The following TCF7L2 variants were observed in gnomAD, a reference collection of about 807,000 sequenced individuals.
TCF7L2 encodes transcription factor 7-like 2.
In TCF7L2, 23 loss-of-function variants were observed where a neutral mutation model predicts 77.9. That is an observed-to-expected ratio of 0.30 (90% CI 0.21 to 0.42). The LOEUF is 0.42. Among genes scored for constraint, TCF7L2 ranks in the 10% least tolerant of loss-of-function variants. TCF7L2 has a pLI of 1.00. For missense variants in TCF7L2, 654 were observed against 793.1 expected (o/e 0.82, Z 2.11); for synonymous variants, 413 against 340.2 (o/e 1.21, Z -2.36).
At chr10:113,050,553 C>T (rs1354909528) in intron 5 of TCF7L2, among the ~76,000 whole-genome samples, 4 of 152,152 alleles carry the variant, frequency 2.6e-5, no homozygotes, top group Non-Finnish European at 4.4e-5. Flanking sequence ...AAAACAGTGT[C>T]TTGTAAGCGA....
chr10:113,120,312 A>G (rs1228664831), intron 5 of TCF7L2, among the ~76,000 whole-genome samples: 1 of 152,214 alleles, frequency 6.6e-6, no homozygotes, highest in African/African-American at 2.4e-5. Flanking sequence ...ACACAGACGG[A>G]GAAGATGGCC....
Position 112,950,655 on chromosome 10 carries a change from C to T in TCF7L2, c.-102C>T. ...TCACCTTGGACTCGTCTTTTTCTTG[C>T]AATATTTTTTGGGGGGGCAAAACTT... On this transcript the variant is annotated 5_prime_UTR_variant, in exon 1 of 14. Coordinates refer to ENST00000627217, the MANE Select transcript of TCF7L2 (RefSeq NM_001146274.2). 1.6e-6 allele frequency: 2 copies of T among 1,238,954 alleles called. No homozygotes were observed. Among genetic ancestry groups the T allele is most frequent in the Non-Finnish European group, 2.1e-6 (2 of 939,396 alleles). 76.7% of individuals were successfully genotyped at this position (1,238,954 alleles called of 1,614,324 possible).
chr10:113,074,969 T>C (rs1231703197), intron 5 of TCF7L2, among the ~76,000 whole-genome samples: 2 of 152,212 alleles, frequency 1.3e-5, no homozygotes, highest in African/African-American at 4.8e-5. Flanking sequence ...ATGTGTTCAT[T>C]GAGCAACTAA....
chr10:113,136,163 T>TA (rs1394934469), intron 5 of TCF7L2, among the ~76,000 whole-genome samples: 1 of 152,208 alleles, frequency 6.6e-6, no homozygotes, highest in Non-Finnish European at 1.5e-5. Context: ...GACTACTTCA[T>TA]AGGCTCGTTG....
At position 113,103,760 on chromosome 10, in the gene TCF7L2, G is replaced by A. The variant is rs574319733; in HGVS notation, c.553-37424G>A. Among the ~76,000 whole-genome samples the A allele has an allele frequency of 3.3e-5, 5 of 152,278 alleles. No homozygotes were observed. The South Asian group carries it at 1.0e-3, about 32-fold the overall frequency. ...TACTGAGAGCATCAAGTGTATATTTGCACAGTGTGTGGTCCTTGCTGCTGT... is the reference window on the plus strand; with the variant it reads ...TACTGAGAGCATCAAGTGTATATTTACACAGTGTGTGGTCCTTGCTGCTGT... On this transcript the variant is annotated intron_variant, in intron 5 of 13. Transcript: ENST00000627217.
intron 5 of TCF7L2, among the ~76,000 whole-genome samples, chr10:113,083,479 T>C (rs1162935064): frequency 6.6e-6 from 1 of 152,230 alleles, no homozygotes; most frequent in Non-Finnish European, 1.5e-5. Flanking sequence ...TCTGGAGCCC[T>C]GATGGCAGTT....
intron 7 of TCF7L2, among the ~76,000 whole-genome samples, chr10:113,145,514 C>G (rs2069209535): frequency 1.3e-5 from 2 of 152,128 alleles, no homozygotes; most frequent in African/African-American, 4.8e-5. Flanking sequence ...CTTGTCAACA[C>G]TTGTTAATTT....
At chr10:113,053,943 G>A (rs1378036657) in intron 5 of TCF7L2, among the ~76,000 whole-genome samples, 1 of 152,198 alleles carries the variant, frequency 6.6e-6, no homozygotes, top group Non-Finnish European at 1.5e-5. Flanking sequence ...TCTCACATCG[G>A]AGCCAGGACT....
At chr10:112,968,735 C>T (rs376594267) in intron 4 of TCF7L2, among the ~76,000 whole-genome samples, 1 of 152,132 alleles carries the variant, frequency 6.6e-6, no homozygotes, top group African/African-American at 2.4e-5. Flanking sequence ...CCTGCCACCA[C>T]GTTCGGCTCA....
At chr10:113,089,406 C>T (rs2060145170) in intron 5 of TCF7L2, 3 of 1,613,420 alleles carry the variant, frequency 1.9e-6, no homozygotes, top group Non-Finnish European at 2.5e-6. Flanking sequence ...GCAGAGCCCC[C>T]TCCCTTGCTG....
At chr10:112,980,922 G>A (rs1484896309) in intron 4 of TCF7L2, among the ~76,000 whole-genome samples, 1 of 152,094 alleles carries the variant, frequency 6.6e-6, no homozygotes, top group East Asian at 1.9e-4. Flanking sequence ...CACCATTCCC[G>A]GCCAAAGCAT....
chr10:112,966,599 T>C (rs2036969863), intron 4 of TCF7L2, among the ~76,000 whole-genome samples: 1 of 152,110 alleles, frequency 6.6e-6, no homozygotes, highest in Non-Finnish European at 1.5e-5. Flanking sequence ...TTGTTGAGGT[T>C]GAATAGGATA....
intron 11 of TCF7L2, among the ~76,000 whole-genome samples, chr10:113,153,616 T>G (rs2071224893): frequency 6.6e-6 from 1 of 152,208 alleles, no homozygotes; most frequent in Non-Finnish European, 1.5e-5. Context: ...AGCTCTTAAC[T>G]GCCTTGGCCT....
chr10:112,980,260 A>G (rs977690738), intron 4 of TCF7L2, among the ~76,000 whole-genome samples: 2 of 152,202 alleles, frequency 1.3e-5, no homozygotes, highest in African/African-American at 4.8e-5. Flanking sequence ...GTTGGGGGCA[A>G]GTCTTTTCAG....
intron 5 of TCF7L2, among the ~76,000 whole-genome samples, chr10:113,110,957 T>C (rs952722953): frequency 6.6e-6 from 1 of 152,088 alleles, no homozygotes. Flanking sequence ...ATTCCCCAAG[T>C]CTGTAATGTT....
At chr10:112,987,556 TCTC>T (rs1341017489) in intron 4 of TCF7L2, 2 of 152,090 alleles carry the variant, frequency 1.3e-5, no homozygotes, top group Non-Finnish European at 2.9e-5. Flanking sequence ...ACCAGGTTCT[TCTC>T]AGGTGGAGCT....
chr10:113,021,771 C>T (rs979589318), intron 4 of TCF7L2, among the ~76,000 whole-genome samples: 4 of 152,200 alleles, frequency 2.6e-5, no homozygotes, highest in African/African-American at 9.7e-5. Flanking sequence ...TCGCATCTCC[C>T]TTGGCTTGTT....
At chr10:113,154,886 A>G (rs2071526178) in intron 11 of TCF7L2, among the ~76,000 whole-genome samples, 1 of 151,816 alleles carries the variant, frequency 6.6e-6, no homozygotes, top group Non-Finnish European at 1.5e-5. Context: ...ACACACTCAC[A>G]CTCACGCCTT....
At chr10:113,102,673 T>G (rs1416776319) in intron 5 of TCF7L2, among the ~76,000 whole-genome samples, 3 of 152,072 alleles carry the variant, frequency 2.0e-5, no homozygotes, top group Non-Finnish European at 2.9e-5. Context: ...TGATCTGTCT[T>G]CCTCGGCCCC....
Sources: allele counts gnomAD v4.1 joint callset (sites outside exome capture counted in the v4.1 genomes callset), GRCh38; gene constraint gnomAD v4.1.1; transcripts MANE v1.5; gene names NCBI Gene and HGNC (gene_info 2026-07-23, HGNC 2026-07-21).